Variants in NFIA observed in about 807,000 individuals in gnomAD.
The protein encoded by NFIA is nuclear factor I A.
In NFIA, 8 loss-of-function variants were observed where a neutral mutation model predicts 62.8. The observed-to-expected ratio is 0.13, with a 90% CI of 0.07 to 0.23. The LOEUF (loss-of-function observed/expected upper bound fraction) is 0.23, where lower values mean the gene tolerates loss of function less well. NFIA is among the 10% of genes least tolerant of loss of function. NFIA has a pLI of 1.00. For synonymous variants in NFIA, 235 were observed against 238.1 expected, an observed-to-expected ratio of 0.99 and a Z score of 0.12; for missense variants, 410 against 642.1, an observed-to-expected ratio of 0.64 and a Z score of 3.91.
At chr1:61,338,754 A>G (rs1384298114) in intron 4 of NFIA, among the ~76,000 whole-genome samples, 1 of 152,242 alleles carries the variant, frequency 6.6e-6, no homozygotes, top group African/African-American at 2.4e-5. Flanking sequence ...AAGAAATTCC[A>G]GACATCCAGT....
At chr1:61,320,831 A>G (rs980287071) in intron 3 of NFIA, among the ~76,000 whole-genome samples, 34 of 152,186 alleles carry the variant, frequency 2.2e-4, no homozygotes, top group African/African-American at 8.2e-4. Flanking sequence ...GGTAGCCCTC[A>G]GGTGATCCAG....
At chr1:61,081,855 A>G, upstream of NFIA, 1 of 1,529,722 alleles carries the variant, frequency 6.5e-7, no homozygotes, top group Non-Finnish European at 8.8e-7. Flanking sequence ...GCTTCGCTGG[A>G]GAGATTACAA....
chr1:61,451,673 T>C (rs943101631), intron 10 of NFIA, among the ~76,000 whole-genome samples: 5 of 152,144 alleles, frequency 3.3e-5, no homozygotes, highest in African/African-American at 1.2e-4. Context: ...CAACTATAGC[T>C]GAAAGTTTCT....
At chr1:61,248,472 A>C (rs1241442200) in intron 2 of NFIA, among the ~76,000 whole-genome samples, 2 of 152,028 alleles carry the variant, frequency 1.3e-5, no homozygotes, top group Non-Finnish European at 2.9e-5. Flanking sequence ...AGAAGTAACA[A>C]CCTTTCCTTA....
chr1:61,432,990 T>C (rs1353087434), intron 10 of NFIA, among the ~76,000 whole-genome samples: 7 of 152,212 alleles, frequency 4.6e-5, no homozygotes, highest in African/African-American at 9.6e-5. Context: ...CCCATGGTAA[T>C]TGAAGTAGCT....
At chr1:61,310,170 T>C (rs1367969907) in intron 3 of NFIA, among the ~76,000 whole-genome samples, 2 of 151,904 alleles carry the variant, frequency 1.3e-5, no homozygotes, top group African/African-American at 2.4e-5. Flanking sequence ...AAAATCTCTT[T>C]AGTGTGCTGG....
intron 2 of NFIA, among the ~76,000 whole-genome samples, chr1:61,214,568 C>T (rs1042559813): frequency 6.6e-6 from 1 of 152,090 alleles, no homozygotes; most frequent in African/African-American, 2.4e-5. Flanking sequence ...TCATCATTAC[C>T]ACTTTCCATT....
At chr1:61,393,244 C>CCTCTCTCTCTCTCTCTCTCTCT (rs766730638) in intron 7 of NFIA, among the ~76,000 whole-genome samples, 1 of 29,104 alleles carries the variant, frequency 3.4e-5, no homozygotes, top group Non-Finnish European at 5.6e-5. Context: ...TCGCCCTCTC[C>CCTCTCTCTCTCTCTCTCTCTCT]CTCTCTCTCT....
intron 2 of NFIA, among the ~76,000 whole-genome samples, chr1:61,246,393 C>G (rs757218399): frequency 6.6e-6 from 1 of 151,906 alleles, no homozygotes; most frequent in Admixed American, 6.6e-5. Context: ...ACCTTTATGC[C>G]GTATACTTAA....
chr1:61,141,981 A>G (rs932243021), intron 2 of NFIA, among the ~76,000 whole-genome samples: 5 of 152,142 alleles, frequency 3.3e-5, no homozygotes, highest in Admixed American at 6.6e-5. Flanking sequence ...ATCTGTTACT[A>G]TGTTCTCCTA....
At chr1:61,115,641 T>C (rs2100461036) in intron 2 of NFIA, among the ~76,000 whole-genome samples, 1 of 152,350 alleles carries the variant, frequency 6.6e-6, no homozygotes, top group Middle Eastern at 3.4e-3. Flanking sequence ...ATAGAGTGTG[T>C]AATGCTTCAC....
At position 61,389,122 on chromosome 1, in the gene NFIA, A is replaced by C. The variant is rs150760778; in HGVS notation, c.1075+5757A>C. Reference sequence around the variant, plus strand: ...CCCTGTCTCAAAACAACAACAACAAAAAAAAGCAAGTATGTGATTCAAGGC... The same window carrying C: ...CCCTGTCTCAAAACAACAACAACAACAAAAAGCAAGTATGTGATTCAAGGC... On this transcript the variant is annotated intron_variant, in intron 7 of 10. Transcript: ENST00000403491. Among the ~76,000 whole-genome samples the C allele has an allele frequency of 2.5e-3, 377 of 152,254 alleles. 1 individual carries two copies. Among genetic ancestry groups the C allele is most frequent in the Middle Eastern group, 0.01 (3 of 294 alleles).
chr1:61,430,715 G>C (rs1009249520), intron 10 of NFIA, among the ~76,000 whole-genome samples: 3 of 151,904 alleles, frequency 2.0e-5, no homozygotes, highest in Admixed American at 2.0e-4. Context: ...CTTTAGCCTT[G>C]CCTTGAGCTA....
At chr1:61,359,021 G>C (rs546155280) in intron 5 of NFIA, 126 bp from the exon 6 acceptor site, 58 of 1,313,434 alleles carry the variant, frequency 4.4e-5, no homozygotes, top group Non-Finnish European at 6.0e-5. Context: ...AGTTTAAAAG[G>C]AGTCCTAGAA....
At chr1:61,379,667 A>G (rs1664321895) in intron 6 of NFIA, among the ~76,000 whole-genome samples, 2 of 151,678 alleles carry the variant, frequency 1.3e-5, no homozygotes, top group Non-Finnish European at 2.9e-5. Context: ...CAGCCTCCCA[A>G]AGTGCTGGGA....
intron 2 of NFIA, among the ~76,000 whole-genome samples, chr1:61,118,770 A>C (rs923370488): frequency 6.6e-6 from 1 of 151,826 alleles, no homozygotes; most frequent in Admixed American, 6.6e-5. Flanking sequence ...AATAAAGTTC[A>C]TATTGGCGGG....
intron 7 of NFIA, among the ~76,000 whole-genome samples, chr1:61,383,693 A>AAT (rs1664540717): frequency 6.6e-6 from 1 of 152,140 alleles, no homozygotes. Flanking sequence ...AGAGAGACAG[A>AAT]ATGTGTGTGT....
chr1:61,116,017 GTTT>G (rs35803994), intron 2 of NFIA, among the ~76,000 whole-genome samples: 6 of 119,066 alleles, frequency 5.0e-5, no homozygotes, highest in Non-Finnish European at 5.4e-5. Context: ...CATGTCTTCT[GTTT>G]TTTTTTTTTT....
intron 2 of NFIA, among the ~76,000 whole-genome samples, chr1:61,276,391 G>T (rs1486418280): frequency 3.3e-5 from 5 of 152,130 alleles, no homozygotes; most frequent in Non-Finnish European, 7.4e-5. Context: ...TTTAATCACA[G>T]TTAAGTGTCA....
Sources: allele counts gnomAD v4.1 joint callset (sites outside exome capture counted in the v4.1 genomes callset), GRCh38; gene constraint gnomAD v4.1.1; transcripts MANE v1.5; gene names NCBI Gene and HGNC (gene_info 2026-07-23, HGNC 2026-07-21).